MSRA: variants seen among roughly 807,000 people sequenced by gnomAD.
MSRA encodes the protein mitochondrial peptide methionine sulfoxide reductase.
Under a neutral mutation model 31.3 loss-of-function variants are expected in MSRA, and 54 were observed. The observed-to-expected ratio is 1.73, with a 90% CI of 1.39 to 2.17. The LOEUF (loss-of-function observed/expected upper bound fraction) is 2.17, where lower values mean the gene tolerates loss of function less well. Ranked by LOEUF, MSRA falls within the 30% of genes most tolerant of loss-of-function variation. MSRA has a pLI of 0.00. For missense variants in MSRA, 507 were observed against 300.9 expected, an observed-to-expected ratio of 1.69 and a Z score of -5.07; for synonymous variants, 169 against 116.5, an observed-to-expected ratio of 1.45 and a Z score of -2.90.
chr8:10,142,815 T>G (rs1164467389), intron 1 of MSRA, among the ~76,000 whole-genome samples: 1 of 152,260 alleles, frequency 6.6e-6, no homozygotes, highest in East Asian at 1.9e-4. Flanking sequence ...AAGTGATGTT[T>G]TCCAATGCAG....
Position 10,054,717 on chromosome 8 carries a change from C to A in MSRA, c.142+59C>A, listed in dbSNP as rs1474910796. The A allele has an allele frequency of 7.2e-6, 10 of 1,397,370 alleles. No homozygotes were observed. In the East Asian group the frequency reaches 1.4e-4, roughly 20 times the overall value. 86.6% of individuals were successfully genotyped at this position (1,397,370 alleles called of 1,614,324 possible). ...GACGCTGCGCATGCGCGCCTTTGCCCGGCGGCAGCGCGCCCGCTGCCCGGA... is the reference window on the plus strand; with the variant it reads ...GACGCTGCGCATGCGCGCCTTTGCCAGGCGGCAGCGCGCCCGCTGCCCGGA... On this transcript the variant is annotated intron_variant, in intron 1 of 5. Coordinates refer to ENST00000317173, the MANE Select transcript of MSRA (RefSeq NM_012331.5).
chr8:10,128,832 C>A (rs976180966), intron 1 of MSRA, among the ~76,000 whole-genome samples: 1 of 152,192 alleles, frequency 6.6e-6, no homozygotes. Flanking sequence ...TAAATGTTTA[C>A]GTTGCAATGG....
intron 3 of MSRA, among the ~76,000 whole-genome samples, chr8:10,247,541 A>G (rs1797687034): frequency 6.6e-6 from 1 of 152,212 alleles, no homozygotes; most frequent in African/African-American, 2.4e-5. Flanking sequence ...TTAGAAGGAA[A>G]AAGGGCCAAG....
intron 1 of MSRA, among the ~76,000 whole-genome samples, chr8:10,132,845 A>G (rs1243311814): frequency 6.6e-6 from 1 of 152,256 alleles, no homozygotes; most frequent in East Asian, 1.9e-4. Context: ...TAGGTACACA[A>G]AGGTATGTCT....
rs200958704 is a variant in MSRA, at chr8:10,245,216, C to G, written c.324C>G (p.Val108=). ...GYTSNPTYKE[V]CSEKTGHAEV... ...CTTCAAATCCTACTTATAAAGAAGT[C>G]TGCTCAGGTAGGAAGAATTTGCTTT... The change falls in exon 3 of 6, where the codon GTC becomes GTG. Residue 108 remains valine (V), a synonymous_variant. Transcript: ENST00000317173. 37 of 1,613,008 alleles carry G rather than the reference C, an allele frequency of 2.3e-5. No individual in the cohort carries two copies. The East Asian group carries it at 4.2e-4, about 18-fold the overall frequency.
intron 2 of MSRA, among the ~76,000 whole-genome samples, chr8:10,244,613 CAT>C (rs1162429372): frequency 1.2e-4 from 18 of 152,136 alleles, no homozygotes; most frequent in Non-Finnish European, 2.4e-4. Flanking sequence ...AAACTAAACA[CAT>C]ATGTGACATT....
In MSRA at chr8:10,210,179, C is replaced by T. The variant is rs201054571; in HGVS notation, c.211+2278C>T. ...ACTCTTTGGGATACATTGGGCATTT[C>T]ATCCTGCCAGCCTCTTGCAAAGCTG... On this transcript the variant is annotated intron_variant, in intron 2 of 5. Transcript: ENST00000317173. Among the ~76,000 whole-genome samples the T allele has an allele frequency of 5.9e-5, 9 of 152,280 alleles. No homozygotes were observed. In the East Asian group the frequency reaches 1.4e-3, roughly 23 times the overall value.
At chr8:10,100,009 G>A (rs1435853433) in intron 1 of MSRA, among the ~76,000 whole-genome samples, 1 of 152,212 alleles carries the variant, frequency 6.6e-6, no homozygotes, top group African/African-American at 2.4e-5. Flanking sequence ...GACAGAGAAG[G>A]TGGTGAGGGC....
At chr8:10,331,668 A>G (rs1802710150) in intron 5 of MSRA, among the ~76,000 whole-genome samples, 5 of 152,220 alleles carry the variant, frequency 3.3e-5, no homozygotes, top group Admixed American at 3.3e-4. Context: ...ATCCTTCGGT[A>G]TCCAATGGGG....
chr8:10,256,300 G>A (rs1198389460), intron 3 of MSRA, among the ~76,000 whole-genome samples: 2 of 152,148 alleles, frequency 1.3e-5, no homozygotes, highest in Non-Finnish European at 2.9e-5. Context: ...CGGCTTGGTA[G>A]GTCATTTCTT....
At chr8:10,325,283 G>C (rs1802296869) in intron 5 of MSRA, among the ~76,000 whole-genome samples, 1 of 152,004 alleles carries the variant, frequency 6.6e-6, no homozygotes, top group East Asian at 1.9e-4. Flanking sequence ...GCAGTCATAT[G>C]GTGATATAAT....
In MSRA at chr8:10,411,606, G is replaced by A. The variant is rs1346757153; in HGVS notation, c.544-16542G>A. 9 of 152,200 alleles carry A rather than the reference G, an allele frequency of 5.9e-5. No homozygotes were observed. In the East Asian group the frequency reaches 1.7e-3, roughly 29 times the overall value. The allele number at this position is 152,200 out of a possible 1,614,324, so 9.4% of individuals were successfully genotyped here. A position where few individuals can be genotyped will look rare whatever the true frequency, so the allele number is the denominator to read the frequency against. On this transcript the variant is annotated intron_variant, in intron 5 of 5. Transcript: ENST00000317173. ...TTTCTGCTTGCAAGCTGGTCAGCCT[G>A]TTTGCAGCTGACAGATGTAACCTGC... is the stretch of plus-strand genomic sequence containing the variant.
intron 3 of MSRA, among the ~76,000 whole-genome samples, chr8:10,258,676 T>C (rs371878081): frequency 1.2e-3 from 189 of 152,362 alleles, no homozygotes; most frequent in South Asian, 0.01. Context: ...AAGTCTCTCC[T>C]AAGTTCTGAA....
chr8:10,144,533 A>G (rs1313988459), intron 1 of MSRA, among the ~76,000 whole-genome samples: 3 of 152,178 alleles, frequency 2.0e-5, no homozygotes, highest in African/African-American at 7.2e-5. Context: ...ACGTACATGT[A>G]TTCAAAATAT....
intron 2 of MSRA, among the ~76,000 whole-genome samples, chr8:10,209,309 G>A (rs1484944869): frequency 1.3e-5 from 2 of 152,052 alleles, no homozygotes; most frequent in Admixed American, 6.5e-5. Context: ...TCTCAGATTC[G>A]CCAACCCCAG....
At position 10,054,372 on chromosome 8, in the gene MSRA, C is replaced by T. The variant is rs1441022667; in HGVS notation, c.-145C>T. On this transcript the variant is annotated 5_prime_UTR_variant, in exon 1 of 6. Transcript: ENST00000317173. ...ACCTCGATTACGGGCGGCCTCCAGCCCCGCCAGCAGCGCCCCGCGCCCGCC... is the reference window on the plus strand; with the variant it reads ...ACCTCGATTACGGGCGGCCTCCAGCTCCGCCAGCAGCGCCCCGCGCCCGCC... The T allele has an allele frequency of 1.2e-6, 1 of 803,666 alleles. No individual in the cohort carries two copies. The allele number at this position is 803,666 out of a possible 1,614,324, so 49.8% of individuals were successfully genotyped here.
intron 1 of MSRA, among the ~76,000 whole-genome samples, chr8:10,061,738 C>T (rs1050298872): frequency 2.0e-5 from 3 of 152,194 alleles, no homozygotes; most frequent in Non-Finnish European, 4.4e-5. Context: ...AGAGCTGCCC[C>T]ATTGTCCATG....
chr8:10,079,987 C>G (rs773797161), intron 1 of MSRA, among the ~76,000 whole-genome samples: 3 of 152,238 alleles, frequency 2.0e-5, no homozygotes, highest in Non-Finnish European at 2.9e-5. Flanking sequence ...TTGTGTTACG[C>G]TTAGCACTTT....
chr8:10,341,965 C>T (rs916068216), intron 5 of MSRA, among the ~76,000 whole-genome samples: 1 of 152,162 alleles, frequency 6.6e-6, no homozygotes, highest in African/African-American at 2.4e-5. Context: ...AGCTGTGCCT[C>T]TTGTGTGCTA....
Sources: gnomAD v4.1 joint callset for allele counts (sites outside exome capture counted in the v4.1 genomes callset) on GRCh38, gnomAD v4.1.1 for gene constraint, MANE v1.5 for transcripts, NCBI Gene and HGNC (gene_info 2026-07-23, HGNC 2026-07-21) for gene names.